The following CD4 variants were observed in gnomAD, a reference collection of about 807,000 sequenced individuals.
The protein encoded by CD4 is T-cell surface glycoprotein CD4.
CD4 carries 25 observed loss-of-function variants against 50.5 expected under a neutral mutation model. The observed-to-expected ratio is 0.49, with a 90% confidence interval of 0.36 to 0.69. The LOEUF is 0.69. CD4 is among the 30% of genes least tolerant of loss of function. The pLI is 0.00. For missense variants in CD4, 456 were observed against 548.5 expected, an observed-to-expected ratio of 0.83 and a Z score of 1.68; for synonymous variants, 207 against 221.9, an observed-to-expected ratio of 0.93 and a Z score of 0.60.
At chr12:6,797,470 G>T (rs1942406064) in intron 1 of CD4, among the ~76,000 whole-genome samples, 1 of 152,158 alleles carries the variant, frequency 6.6e-6, no homozygotes, top group African/African-American at 2.4e-5. Flanking sequence ...ACTGAGAAAA[G>T]AAATAAGACA....
At chr12:6,793,704 C>CTATCTATCT (rs1555113950) in intron 1 of CD4, among the ~76,000 whole-genome samples, 2 of 31,124 alleles carry the variant, frequency 6.4e-5, no homozygotes, top group African/African-American at 1.2e-4. Flanking sequence ...ATCTATCTAT[C>CTATCTATCT]TTTTTTTTTT....
rs1445437149 is a variant in CD4 at position 6,818,750 on chromosome 12, C to T, written c.1279-97C>T. ...ATAGATGGCCTGGGCCATGTAACTG[C>T]TTCTCCTGTCGCAGCTTCCCCCACT... is the stretch of plus-strand genomic sequence containing the variant. On this transcript the variant is annotated intron_variant, in intron 8 of 9. Transcript: ENST00000011653. The surrounding 1 kb of genome is among the most constrained non-coding windows in gnomAD (Gnocchi z 5.0). 13 of 1,253,796 alleles carry T rather than the reference C, an allele frequency of 1.0e-5. No individual in the cohort carries two copies. In the African/African-American group the frequency reaches 1.9e-4, roughly 18 times the overall value. The allele number at this position is 1,253,796 out of a possible 1,614,324, so 77.7% of individuals were successfully genotyped here.
In CD4 at chr12:6,812,065, C is replaced by T. The variant is rs1250418042; in HGVS notation, c.215-2077C>T. Reference sequence around the variant, plus strand: ...ACTCCTGACGGGCTGCATTTTAATCCTAGCTCCACCACTTACGGGAGTCAA... The same window carrying T: ...ACTCCTGACGGGCTGCATTTTAATCTTAGCTCCACCACTTACGGGAGTCAA... On this transcript the variant is annotated intron_variant, in intron 3 of 9. Transcript: ENST00000011653. Among the ~76,000 whole-genome samples the T allele has an allele frequency of 5.3e-5, 8 of 152,096 alleles. No individual in the cohort carries two copies. In the South Asian group the frequency reaches 1.4e-3, roughly 28 times the overall value.
rs926464495 is a variant in CD4, at chr12:6,792,716, C to G, written c.-68+3054C>G. On this transcript the variant is annotated intron_variant, in intron 1 of 9. Transcript: ENST00000011653. The surrounding 1 kb of genome is among the most constrained non-coding windows in gnomAD (Gnocchi z 4.1). ...CCAGGGTCTGCATTGCTGCCAAAGG[C>G]CAGGAGGACTGTGTACAGACCGGAA... 5.3e-5 allele frequency among the ~76,000 whole-genome samples: 8 copies of G among 152,284 alleles called. No homozygotes were observed. The highest frequency in any genetic ancestry group is 1.9e-4 in the African/African-American group (8 of 41,554).
At position 6,818,391 on chromosome 12, in the gene CD4, G is replaced by C. The variant is rs199903550; in HGVS notation, c.1157-30G>C. On this transcript the variant is annotated intron_variant, in intron 7 of 9. Coordinates refer to ENST00000011653, the MANE Select transcript of CD4 (RefSeq NM_000616.5). This position sits in a 1 kb window ranked among gnomAD's most constrained non-coding sequence, Gnocchi z 5.0. ...GTCCCCTGGCCCGTGGAGGAGGGCG[G>C]TGCATTGAGCACATTTCTCTCCCTT... The C allele has an allele frequency of 1.5e-5, 24 of 1,610,230 alleles. No homozygotes were observed. The highest frequency in any genetic ancestry group is 1.1e-4 in the East Asian group (5 of 44,886).
At position 6,801,817 on chromosome 12, in the gene CD4, C is replaced by G. The variant is rs149029367; in HGVS notation, c.214+1346C>G. Among the ~76,000 whole-genome samples, 696 of 151,286 alleles carry G rather than the reference C, an allele frequency of 4.6e-3. 6 individuals are homozygous for G. The highest frequency in any genetic ancestry group is 0.016 in the African/African-American group (662 of 41,212). On this transcript the variant is annotated intron_variant, in intron 3 of 9. Transcript: ENST00000011653. ...CCTCGTGATTTACCCTCCTTGGCCT[C>G]CCAAAGTGCTGGGATTACAGGCGTG...
At chr12:6,801,389 G>C (rs1339668125) in intron 3 of CD4, among the ~76,000 whole-genome samples, 1 of 148,976 alleles carries the variant, frequency 6.7e-6, no homozygotes, top group Non-Finnish European at 1.5e-5. Context: ...TGGGGGTGCA[G>C]TCCTGTACTT....
Position 6,814,877 on chromosome 12 carries a change from G to C in CD4, c.492G>C (p.Gln164His). 2 of 1,612,948 alleles carry C rather than the reference G, an allele frequency of 1.2e-6. No individual in the cohort carries two copies. Among genetic ancestry groups the C allele is most frequent in the Non-Finnish European group, 1.7e-6 (2 of 1,179,254 alleles). Residue 164 changes from glutamine to histidine, a missense_variant, in exon 5 of 10, where the codon CAG (glutamine) becomes CAC (histidine). By Grantham distance (24) the Gln-to-His change is conservative. Transcript: ENST00000011653. ...QCRSPRGKNI[Q>H]GGKTLSVSQL... is the part of the protein sequence containing the mutation. ...GGAGTCCAAGGGGTAAAAACATACAGGGGGGGAAGACCCTCTCCGTGTCTC... is the reference window on the plus strand; with the variant it reads ...GGAGTCCAAGGGGTAAAAACATACACGGGGGGAAGACCCTCTCCGTGTCTC...
At position 6,792,441 on chromosome 12, in the gene CD4, T is replaced by G. The variant is rs903115412; in HGVS notation, c.-68+2779T>G. 6.7e-6 allele frequency among the ~76,000 whole-genome samples: 1 copy of G among 150,182 alleles called. No individual in the cohort carries two copies. The highest frequency in any genetic ancestry group is 2.4e-5 in the African/African-American group (1 of 41,256). On this transcript the variant is annotated intron_variant, in intron 1 of 9. Transcript: ENST00000011653. This position sits in a 1 kb window ranked among gnomAD's most constrained non-coding sequence, Gnocchi z 4.1. Reference sequence around the variant, plus strand: ...CTTCTCAGAATTTCTTCTTTTCCTCTTTTTTTGTACTACCCTGCGCTTTGT... The same window carrying G: ...CTTCTCAGAATTTCTTCTTTTCCTCGTTTTTTGTACTACCCTGCGCTTTGT...
Position 6,819,294 on chromosome 12 carries a change from T to C in CD4, c.1347-5T>C. 6.2e-7 allele frequency: 1 copy of C among 1,614,114 alleles called. No homozygotes were observed. Among genetic ancestry groups the C allele is most frequent in the Non-Finnish European group, 8.5e-7 (1 of 1,179,970 alleles). ...ACCTGCTCCCCTTCTTCTTTGTTCCTGCAGCCGGTTTCAGAAGACATGTAG... is the reference window on the plus strand; with the variant it reads ...ACCTGCTCCCCTTCTTCTTTGTTCCCGCAGCCGGTTTCAGAAGACATGTAG... On this transcript the variant is annotated splice_polypyrimidine_tract_variant and splice_region_variant and intron_variant, in intron 9 of 9. Transcript: ENST00000011653.
At chr12:6,794,583 G>A (rs1942307182) in intron 1 of CD4, among the ~76,000 whole-genome samples, 1 of 151,906 alleles carries the variant, frequency 6.6e-6, no homozygotes. Context: ...TGTTGGCCAG[G>A]CTGGTCTCGT....
At chr12:6,817,989 C>G (rs372629563) in intron 7 of CD4, among the ~76,000 whole-genome samples, 1 of 152,084 alleles carries the variant, frequency 6.6e-6, no homozygotes, top group African/African-American at 2.4e-5. Flanking sequence ...CACACACGCG[C>G]GCGCACATGC....
chr12:6,800,016 C>T (rs1049428229), intron 1 of CD4, 56 bp from the exon 2 acceptor site: 159 of 862,428 alleles, frequency 1.8e-4, no homozygotes, highest in Non-Finnish European at 9.7e-5. Context: ...TGTATCGCCC[C>T]TGTATACTCC....
intron 1 of CD4, among the ~76,000 whole-genome samples, chr12:6,793,766 A>G (rs1029056572): frequency 6.8e-6 from 1 of 147,580 alleles, no homozygotes; most frequent in African/African-American, 2.5e-5. Context: ...TGGCACTACA[A>G]GTAATCCCAA....
In CD4 at chr12:6,818,447, C is replaced by T; in HGVS notation, c.1183C>T (p.Gln395Ter). ...TCTGCCCACATGGTCCACCCCGGTG[C>T]AGCCAATGGCCCTGATTGTGCTGGG... Reference protein sequence around the residue: ...KVLPTWSTPVQPMALIVLGGV... With the variant: ...KVLPTWSTPV Residue 395 changes from glutamine to a stop codon, truncating the protein, a stop_gained, in exon 8 of 10, where the codon CAG (glutamine) becomes TAG (stop). Transcript: ENST00000011653. LOFTEE classifies it high-confidence loss of function. This position sits in a 1 kb window ranked among gnomAD's most constrained non-coding sequence, Gnocchi z 5.0. 2 of 1,612,776 alleles carry T rather than the reference C, an allele frequency of 1.2e-6. No individual in the cohort carries two copies. Among genetic ancestry groups the T allele is most frequent in the Non-Finnish European group, 8.5e-7 (1 of 1,179,990 alleles).
In CD4 at chr12:6,818,211, C is replaced by G. The variant is rs148224149; in HGVS notation, c.1157-210C>G. Among the ~76,000 whole-genome samples, 22 of 152,318 alleles carry G rather than the reference C, an allele frequency of 1.4e-4. No individual in the cohort carries two copies. The highest frequency in any genetic ancestry group is 3.4e-3 in the Middle Eastern group (1 of 294). On this transcript the variant is annotated intron_variant, in intron 7 of 9. Coordinates refer to ENST00000011653, the MANE Select transcript of CD4 (RefSeq NM_000616.5). The surrounding 1 kb of genome is among the most constrained non-coding windows in gnomAD (Gnocchi z 5.0). ...GCCCAGGAGCCAGACCACAGCTTCT[C>G]TCTCTCCAGAGTGCCCTGGATATGG... is the stretch of plus-strand genomic sequence containing the variant.
At chr12:6,811,672 T>TC (rs1484349307) in intron 3 of CD4, among the ~76,000 whole-genome samples, 1 of 114,268 alleles carries the variant, frequency 8.8e-6, no homozygotes, top group African/African-American at 4.5e-5. Flanking sequence ...TTTTTTTTTC[T>TC]TTTTTTTTTT....
intron 3 of CD4, among the ~76,000 whole-genome samples, chr12:6,810,794 G>C (rs1942914208): frequency 6.6e-6 from 1 of 152,158 alleles, no homozygotes; most frequent in South Asian, 2.1e-4. Context: ...AATTAAAGCA[G>C]TGTGTAGATC....
intron 7 of CD4, among the ~76,000 whole-genome samples, chr12:6,817,782 A>G (rs1943125094): frequency 6.9e-6 from 1 of 144,876 alleles, no homozygotes; most frequent in Non-Finnish European, 1.5e-5. Context: ...ATCCACACTC[A>G]CACCCACACT....
Sources: allele counts gnomAD v4.1 joint callset (sites outside exome capture counted in the v4.1 genomes callset), GRCh38; gene constraint gnomAD v4.1.1; non-coding constraint Gnocchi (gnomAD v3.1); transcripts MANE v1.5; gene names NCBI Gene and HGNC (gene_info 2026-07-23, HGNC 2026-07-21).